The following TBC1D12 variants were observed in gnomAD, a reference collection of about 807,000 sequenced individuals.
TBC1D12 encodes TBC1 domain family, member 12.
A neutral mutation model predicts 86.7 loss-of-function variants in TBC1D12; 56 were observed. That is an observed-to-expected ratio of 0.65 (90% CI 0.52 to 0.81). TBC1D12 has a LOEUF of 0.81. Among genes scored for constraint, TBC1D12 ranks in the 30% least tolerant of loss-of-function variants. The pLI is 0.00. For missense variants in TBC1D12, 1,023 were observed against 1,038.8 expected (o/e 0.98, Z 0.21); for synonymous variants, 421 against 411.7 (o/e 1.02, Z -0.27).
At chr10:94,514,486 T>C (rs901512359) in intron 9 of TBC1D12, among the ~76,000 whole-genome samples, 1 of 152,258 alleles carries the variant, frequency 6.6e-6, no homozygotes, top group African/African-American at 2.4e-5. Context: ...TCAGTGGTTT[T>C]AGATTACACA....
Position 94,417,042 on chromosome 10 carries a change from A to G in TBC1D12, c.971+13458A>G, listed in dbSNP as rs553503720. Among the ~76,000 whole-genome samples the G allele has an allele frequency of 2.6e-5, 4 of 152,280 alleles. No homozygotes were observed. In the South Asian group the frequency reaches 8.3e-4, roughly 32 times the overall value. ...TGACAGAACTAAGTAATTTGAACTG[A>G]TTCAGTGAGAGGTGGCAGTACAGGG... On this transcript the variant is annotated intron_variant, in intron 1 of 12. Transcript: ENST00000225235.
chr10:94,523,512 G>T (rs1180246311), intron 11 of TBC1D12, among the ~76,000 whole-genome samples: 1 of 151,976 alleles, frequency 6.6e-6, no homozygotes, highest in Non-Finnish European at 1.5e-5. Context: ...ACACCAATTT[G>T]AATTTTTTAA....
chr10:94,479,095 A>G (rs2056038549), intron 3 of TBC1D12, among the ~76,000 whole-genome samples: 1 of 152,222 alleles, frequency 6.6e-6, no homozygotes, highest in African/African-American at 2.4e-5. Flanking sequence ...AAAACAAATC[A>G]ATGTAGTAAT....
At chr10:94,446,850 G>T (rs186275605) in intron 2 of TBC1D12, among the ~76,000 whole-genome samples, 1 of 152,136 alleles carries the variant, frequency 6.6e-6, no homozygotes, top group African/African-American at 2.4e-5. Context: ...GGGAGGCTGA[G>T]GCAGGTGGAT....
At chr10:94,438,756 T>C (rs1431389831) in intron 1 of TBC1D12, among the ~76,000 whole-genome samples, 1 of 152,158 alleles carries the variant, frequency 6.6e-6, no homozygotes, top group Non-Finnish European at 1.5e-5. Context: ...GGTCAGTTCC[T>C]AGAGTTCTAC....
chr10:94,486,387 T>A (rs552168358), intron 3 of TBC1D12, among the ~76,000 whole-genome samples: 151 of 152,130 alleles, frequency 9.9e-4, no homozygotes, highest in African/African-American at 3.4e-3. Flanking sequence ...TAAGATGCAT[T>A]TTTAGGTTGC....
chr10:94,431,944 C>T (rs557417462), intron 1 of TBC1D12, among the ~76,000 whole-genome samples: 116 of 152,250 alleles, frequency 7.6e-4, no homozygotes, highest in African/African-American at 2.6e-3. Flanking sequence ...TGACCCCTTC[C>T]CCAAAAGTGC....
chr10:94,516,298 G>C (rs2134214901), intron 9 of TBC1D12, among the ~76,000 whole-genome samples: 1 of 151,846 alleles, frequency 6.6e-6, no homozygotes, highest in South Asian at 2.1e-4. Flanking sequence ...TCTAATTTGT[G>C]TTATTACAAT....
intron 3 of TBC1D12, among the ~76,000 whole-genome samples, chr10:94,487,694 CTTTT>C (rs35682157): frequency 6.3e-5 from 8 of 127,326 alleles, no homozygotes; most frequent in Admixed American, 8.5e-5. Context: ...TGTTGTTTCT[CTTTT>C]TTTTTTTTTT....
intron 1 of TBC1D12, among the ~76,000 whole-genome samples, chr10:94,431,426 GAA>G (rs2055213801): frequency 1.6e-5 from 1 of 62,482 alleles, no homozygotes; most frequent in South Asian, 9.4e-4. Context: ...AAAAAAAAAA[GAA>G]AAGAAAGAAA....
In TBC1D12 at chr10:94,445,337, A is replaced by C. The variant is rs4917505; in HGVS notation, c.1095+3318A>C. 1.8e-4 allele frequency among the ~76,000 whole-genome samples: 27 copies of C among 151,402 alleles called. No individual in the cohort carries two copies. In the South Asian group the frequency reaches 5.6e-3, roughly 32 times the overall value. On this transcript the variant is annotated intron_variant, in intron 2 of 12. Coordinates refer to ENST00000225235, the MANE Select transcript of TBC1D12 (RefSeq NM_015188.2). ...TTGTGCCACTGCACTCCAGCCTGGCAAAAGAGCGAGAATACGTCTCAAAAA... is the reference window on the plus strand; with the variant it reads ...TTGTGCCACTGCACTCCAGCCTGGCCAAAGAGCGAGAATACGTCTCAAAAA...
chr10:94,474,604 A>G, intron 2 of TBC1D12, 64 bp from the exon 3 acceptor site: 1 of 1,132,048 alleles, frequency 8.8e-7, no homozygotes, highest in East Asian at 2.4e-5. Context: ...TTAATGATAC[A>G]GATTTAATAG....
chr10:94,407,110 A>G (rs926951538), intron 1 of TBC1D12, among the ~76,000 whole-genome samples: 1 of 152,208 alleles, frequency 6.6e-6, no homozygotes, highest in Admixed American at 6.5e-5. Flanking sequence ...ATTTTACACA[A>G]TGTATCTATT....
intron 9 of TBC1D12, among the ~76,000 whole-genome samples, chr10:94,514,267 C>G (rs1004285504): frequency 6.6e-6 from 1 of 152,018 alleles, no homozygotes; most frequent in Non-Finnish European, 1.5e-5. Flanking sequence ...CCCAGCTACT[C>G]AAGAGGCTGA....
intron 2 of TBC1D12, among the ~76,000 whole-genome samples, chr10:94,465,992 A>G (rs1440119335): frequency 6.6e-6 from 1 of 151,622 alleles, no homozygotes; most frequent in Non-Finnish European, 1.5e-5. Context: ...ATATATATGA[A>G]GTTTTTATCT....
Position 94,521,544 on chromosome 10 carries a change from T to C in TBC1D12, c.1762-411T>C, listed in dbSNP as rs554879285. Among the ~76,000 whole-genome samples the C allele has an allele frequency of 5.3e-5, 8 of 152,322 alleles. No homozygotes were observed. In the South Asian group the frequency reaches 1.7e-3, roughly 32 times the overall value. ...TCAGCAGCACTTCTGATAGATCTCT[T>C]TTATTCTGAGTCCTTCATTTTTTAC... On this transcript the variant is annotated intron_variant, in intron 9 of 12. Transcript: ENST00000225235.
intron 4 of TBC1D12, among the ~76,000 whole-genome samples, chr10:94,494,568 G>T (rs796179676): frequency 7.2e-5 from 11 of 152,120 alleles, no homozygotes; most frequent in African/African-American, 2.4e-4. Context: ...TTTTGAGACA[G>T]GGTCTTGCTC....
At chr10:94,499,788 T>C (rs935429666) in intron 5 of TBC1D12, among the ~76,000 whole-genome samples, 1 of 152,246 alleles carries the variant, frequency 6.6e-6, no homozygotes, top group Non-Finnish European at 1.5e-5. Context: ...TTAAACTAGA[T>C]TGGATCTCAG....
At chr10:94,510,967 T>A (rs564560887) in intron 8 of TBC1D12, among the ~76,000 whole-genome samples, 53 of 152,302 alleles carry the variant, frequency 3.5e-4, no homozygotes, top group African/African-American at 1.2e-3. Flanking sequence ...AATGAAACAG[T>A]GTGTATTCAT....
Sources: allele counts gnomAD v4.1 joint callset (sites outside exome capture counted in the v4.1 genomes callset), GRCh38; gene constraint gnomAD v4.1.1; transcripts MANE v1.5; gene names NCBI Gene and HGNC (gene_info 2026-07-23, HGNC 2026-07-21).